STK33: variants seen among roughly 807,000 people sequenced by gnomAD.
STK33 encodes serine/threonine-protein kinase 33.
Under a neutral mutation model 58.0 loss-of-function variants are expected in STK33, and 52 were observed. The ratio of observed to expected loss-of-function variants is 0.90; its 90% confidence interval spans 0.72 to 1.13. STK33 has a LOEUF of 1.13. STK33 is among the 50% of genes most tolerant of loss of function. The probability of loss-of-function intolerance (pLI) is 0.00; values close to 1 mark genes in which losing one functional copy is unlikely to be tolerated. For missense variants in STK33, 630 were observed against 604.2 expected, an observed-to-expected ratio of 1.04 and a Z score of -0.45; for synonymous variants, 215 against 200.1, an observed-to-expected ratio of 1.07 and a Z score of -0.63.
chr11:8,425,369 T>A (rs1276300658), intron 14 of STK33, among the ~76,000 whole-genome samples: 1 of 152,326 alleles, frequency 6.6e-6, no homozygotes, highest in East Asian at 1.9e-4. Flanking sequence ...ACCAGTACCA[T>A]GCTGTTTTGG....
chr11:8,461,116 T>C (rs541845469), intron 8 of STK33, among the ~76,000 whole-genome samples: 1 of 152,208 alleles, frequency 6.6e-6, no homozygotes, highest in Non-Finnish European at 1.5e-5. Flanking sequence ...AACTTGTCCA[T>C]GGTCTCATGG....
At chr11:8,538,289 C>T in intron 1 of STK33, among the ~76,000 whole-genome samples, 1 of 152,072 alleles carries the variant, frequency 6.6e-6, no homozygotes, top group East Asian at 1.9e-4. Flanking sequence ...TTAATACTTA[C>T]AACAACTCTA....
At chr11:8,378,413 G>A in the STK33 span, among the ~76,000 whole-genome samples, 1 of 152,230 alleles carries the variant, frequency 6.6e-6, no homozygotes, top group Non-Finnish European at 1.5e-5. Context: ...ATCTACTCGG[G>A]AGGCTGAGGC....
chr11:8,511,010 T>A (rs1253655892), intron 1 of STK33, among the ~76,000 whole-genome samples: 1 of 152,204 alleles, frequency 6.6e-6, no homozygotes, highest in Non-Finnish European at 1.5e-5. Context: ...GGTATTGTTT[T>A]TCTAGTTCTG....
the STK33 span, among the ~76,000 whole-genome samples, chr11:8,353,720 T>C: frequency 0.12 from 18,967 of 151,776 alleles, 1,657 homozygotes; most frequent in African/African-American, 0.25. Flanking sequence ...CCTGGGGGAG[T>C]GTGGGGTGCC....
chr11:8,473,888 T>G (rs11822351), intron 5 of STK33, among the ~76,000 whole-genome samples: 3,023 of 152,234 alleles, frequency 0.02, 86 homozygotes, highest in African/African-American at 0.068. Flanking sequence ...TAAAGATGAA[T>G]ATGGCTGGGC....
At chr11:8,427,214 A>G (rs1048176118) in intron 14 of STK33, among the ~76,000 whole-genome samples, 3 of 152,156 alleles carry the variant, frequency 2.0e-5, no homozygotes, top group Non-Finnish European at 2.9e-5. Flanking sequence ...CATTCCCTTT[A>G]ATATGAATAA....
At chr11:8,428,269 C>T (rs910891787) in intron 14 of STK33, among the ~76,000 whole-genome samples, 4 of 152,186 alleles carry the variant, frequency 2.6e-5, no homozygotes, top group East Asian at 1.9e-4. Flanking sequence ...AGTGCTGCTC[C>T]GACTTTATTA....
intron 1 of STK33, among the ~76,000 whole-genome samples, chr11:8,541,889 A>G (rs1426951356): frequency 1.3e-5 from 2 of 152,192 alleles, no homozygotes; most frequent in Non-Finnish European, 2.9e-5. Context: ...TGGATATAAT[A>G]AGTTTTAAAG....
the STK33 span, among the ~76,000 whole-genome samples, chr11:8,344,607 C>G: frequency 6.6e-6 from 1 of 152,230 alleles, no homozygotes; most frequent in African/African-American, 2.4e-5. Flanking sequence ...CAAACGCAGA[C>G]AGCCTGGTTC....
At chr11:8,529,062 C>G (rs553656111) in intron 1 of STK33, among the ~76,000 whole-genome samples, 3 of 152,264 alleles carry the variant, frequency 2.0e-5, no homozygotes, top group Admixed American at 2.0e-4. Context: ...AGGTCACATA[C>G]GTAGTAAACA....
At chr11:8,524,675 T>C (rs1953875195) in intron 1 of STK33, among the ~76,000 whole-genome samples, 1 of 152,148 alleles carries the variant, frequency 6.6e-6, no homozygotes, top group African/African-American at 2.4e-5. Flanking sequence ...AAATATGCCA[T>C]ATTTCACTCT....
chr11:8,452,887 G>A lies in STK33; in HGVS notation c.806C>T (p.Ala269Val), dbSNP rs375541480. The change falls in exon 11 of 16, where the codon GCG becomes GTG. Residue 269 changes from alanine to valine, a missense_variant. Ala to Val is a moderately conservative substitution (Grantham distance 64). Coordinates refer to ENST00000687296, the MANE Select transcript of STK33 (RefSeq NM_001352389.2). The stretch of plus-strand genomic sequence containing the variant: ...TTCACTCCTACTTTGCTTCTTCACC[G>A]CTAAGCCAAAATCAGTCACCTGGGA... Reference protein sequence around the residue: ...LNIKVTDFGLAVKKQSRSEAM... With the variant: ...LNIKVTDFGLVVKKQSRSEAM... 27 of 1,613,996 alleles carry A rather than the reference G, an allele frequency of 1.7e-5. No homozygotes were observed. Among genetic ancestry groups the A allele is most frequent in the Non-Finnish European group, 2.1e-5 (25 of 1,179,940 alleles).
intron 11 of STK33, among the ~76,000 whole-genome samples, chr11:8,447,112 T>C (rs1316522011): frequency 6.6e-6 from 1 of 151,658 alleles, no homozygotes; most frequent in Non-Finnish European, 1.5e-5. Context: ...GAACTTAAAC[T>C]TACAAGAAAA....
At chr11:8,440,565 G>T in intron 12 of STK33, 113 bp downstream of exon 12, 3 of 847,002 alleles carry the variant, frequency 3.5e-6, no homozygotes, top group East Asian at 2.9e-5. Flanking sequence ...TCTCCCAATT[G>T]GTTTTTAAAT....
chr11:8,520,408 G>A (rs1953298201), intron 1 of STK33, among the ~76,000 whole-genome samples: 1 of 152,102 alleles, frequency 6.6e-6, no homozygotes, highest in Non-Finnish European at 1.5e-5. Flanking sequence ...GCAAAAACTG[G>A]AAGCATTCCC....
intron 10 of STK33, among the ~76,000 whole-genome samples, 184 bp downstream of exon 10, chr11:8,454,560 C>T (rs985079633): frequency 6.6e-6 from 1 of 152,116 alleles, no homozygotes; most frequent in Non-Finnish European, 1.5e-5. Flanking sequence ...TCAATAGCTC[C>T]ACTTAACTTG....
chr11:8,546,472 T>C (rs574124341), intron 1 of STK33, among the ~76,000 whole-genome samples: 2 of 152,240 alleles, frequency 1.3e-5, no homozygotes, highest in Non-Finnish European at 2.9e-5. Flanking sequence ...TCTAGCTATT[T>C]TGAAATATAA....
intron 1 of STK33, among the ~76,000 whole-genome samples, chr11:8,519,464 T>C (rs957181406): frequency 1.3e-5 from 2 of 152,090 alleles, no homozygotes; most frequent in Non-Finnish European, 2.9e-5. Flanking sequence ...ATTCAAAAGC[T>C]AGCAGAAGGC....
Sources: gnomAD v4.1 joint callset for allele counts (sites outside exome capture counted in the v4.1 genomes callset) on GRCh38, gnomAD v4.1.1 for gene constraint, MANE v1.5 for transcripts, NCBI Gene and HGNC (gene_info 2026-07-23, HGNC 2026-07-21) for gene names.